CALD1: variants seen among roughly 807,000 people sequenced by gnomAD.
CALD1 encodes caldesmon.
Under a neutral mutation model 99.9 loss-of-function variants are expected in CALD1, and 33 were observed. That is an observed-to-expected ratio of 0.33 (90% confidence interval 0.25 to 0.44). The LOEUF (loss-of-function observed/expected upper bound fraction) is 0.44, where lower values mean the gene tolerates loss of function less well. CALD1 is among the 20% of genes least tolerant of loss of function. The probability of loss-of-function intolerance (pLI) is 1.00; values close to 1 mark genes in which losing one functional copy is unlikely to be tolerated. For missense variants in CALD1, 861 were observed against 962.1 expected, an observed-to-expected ratio of 0.89 and a Z score of 1.39; for synonymous variants, 310 against 325.0, an observed-to-expected ratio of 0.95 and a Z score of 0.50.
chr7:134,824,569 C>T (rs1309779902), intron 1 of CALD1, among the ~76,000 whole-genome samples: 3 of 152,104 alleles, frequency 2.0e-5, no homozygotes, highest in Non-Finnish European at 4.4e-5. Context: ...AACTCTTCCA[C>T]CTCTATCTGA....
At chr7:134,725,644 G>A in the CALD1 span, among the ~76,000 whole-genome samples, 1 of 152,208 alleles carries the variant, frequency 6.6e-6, no homozygotes, top group Non-Finnish European at 1.5e-5. Context: ...TGGGCTGAAT[G>A]GTGGCCCAAA....
At chr7:134,750,144 C>A in intron 1 of CALD1, among the ~76,000 whole-genome samples, 1 of 151,106 alleles carries the variant, frequency 6.6e-6, no homozygotes, top group South Asian at 2.1e-4. Context: ...ACAAACCCTG[C>A]AAACTAGATT....
chr7:134,864,727 TA>T (rs1800728037), intron 2 of CALD1, among the ~76,000 whole-genome samples: 1 of 152,206 alleles, frequency 6.6e-6, no homozygotes, highest in African/African-American at 2.4e-5. Context: ...ACTTATTTCT[TA>T]ATCATGGCAG....
chr7:134,830,869 C>A (rs985100362), intron 1 of CALD1, among the ~76,000 whole-genome samples: 3 of 152,094 alleles, frequency 2.0e-5, no homozygotes, highest in Non-Finnish European at 4.4e-5. Context: ...TACAAATATT[C>A]CAACTTCTCC....
intron 1 of CALD1, among the ~76,000 whole-genome samples, chr7:134,771,005 A>C (rs993361335): frequency 6.6e-6 from 1 of 152,152 alleles, no homozygotes; most frequent in African/African-American, 2.4e-5. Flanking sequence ...AAGTTAAATA[A>C]TACTATATGA....
intron 3 of CALD1, chr7:134,900,016 T>A: frequency 6.6e-6 from 1 of 152,224 alleles, no homozygotes; most frequent in East Asian, 1.9e-4. Context: ...CAAATCACTC[T>A]ACCTTTCACT....
At chr7:134,849,141 G>T (rs1427666560) in intron 2 of CALD1, among the ~76,000 whole-genome samples, 2 of 152,016 alleles carry the variant, frequency 1.3e-5, no homozygotes, top group Non-Finnish European at 2.9e-5. Flanking sequence ...CTTGGCAAAG[G>T]GTCATAATAT....
rs565284721 is a variant in CALD1, at chr7:134,843,948, G to A, written c.-65G>A. 1 of 152,238 alleles carries A rather than the reference G, an allele frequency of 6.6e-6. No homozygotes were observed. Among genetic ancestry groups the A allele is most frequent in the East Asian group, 1.9e-4 (1 of 5,182 alleles). 9.4% of individuals were successfully genotyped at this position (152,238 alleles called of 1,614,324 possible). ...ACAGGGATTGGTGACCAACCAGAAG[G>A]CTCAGACATCTGATTGCTGACCTGT... On this transcript the variant is annotated 5_prime_UTR_variant, in exon 2 of 15. Transcript: ENST00000361675.
the CALD1 span, among the ~76,000 whole-genome samples, chr7:134,712,026 AGAGGGAGGGAAGGAGGGAGAGAGGGAGG>A: frequency 3.7e-4 from 41 of 111,578 alleles, no homozygotes; most frequent in African/African-American, 1.3e-3. Context: ...AAGGAGGGAG[AGAGGGAGGGAAGGAGGGAGAGAGGGAGG>A]GAGGGAGGGA....
At chr7:134,735,563 C>CTGTGTGTGTGTG in the CALD1 span, among the ~76,000 whole-genome samples, 20 of 138,280 alleles carry the variant, frequency 1.4e-4, no homozygotes, top group East Asian at 1.5e-3. Flanking sequence ...CCCCACTACC[C>CTGTGTGTGTGTG]TCTGTGTGTG....
chr7:134,929,552 G>A (rs1255475736), intron 4 of CALD1, among the ~76,000 whole-genome samples: 3 of 139,820 alleles, frequency 2.1e-5, no homozygotes, highest in Admixed American at 1.4e-4. Context: ...CTCCATCCAG[G>A]TTGCGGTGAA....
intron 13 of CALD1, among the ~76,000 whole-genome samples, chr7:134,963,216 C>A (rs1327433238): frequency 6.6e-6 from 1 of 152,160 alleles, no homozygotes; most frequent in Non-Finnish European, 1.5e-5. Flanking sequence ...AACAGTCTTC[C>A]AGACAGTTTG....
intron 1 of CALD1, among the ~76,000 whole-genome samples, chr7:134,833,319 A>G (rs1305787192): frequency 6.6e-6 from 1 of 152,174 alleles, no homozygotes; most frequent in Admixed American, 6.5e-5. Flanking sequence ...GAAATATCTT[A>G]TTAATGTGGA....
At chr7:134,924,991 G>T (rs1335633359) in intron 3 of CALD1, among the ~76,000 whole-genome samples, 1 of 152,086 alleles carries the variant, frequency 6.6e-6, no homozygotes, top group Non-Finnish European at 1.5e-5. Flanking sequence ...GTTTCCTGAG[G>T]CCTCACCAGC....
At chr7:134,929,979 C>A (rs1030600439) in intron 4 of CALD1, among the ~76,000 whole-genome samples, 10 of 151,908 alleles carry the variant, frequency 6.6e-5, no homozygotes, top group African/African-American at 2.4e-4. Flanking sequence ...TTAGTAGAGT[C>A]CTCCATGGCT....
At chr7:134,787,823 C>T (rs1797365024) in intron 1 of CALD1, among the ~76,000 whole-genome samples, 3 of 152,194 alleles carry the variant, frequency 2.0e-5, no homozygotes, top group Admixed American at 2.0e-4. Flanking sequence ...AGTTTCTCTG[C>T]AAGAGTGACC....
intron 2 of CALD1, among the ~76,000 whole-genome samples, chr7:134,866,519 G>A (rs1380156850): frequency 1.3e-5 from 2 of 151,806 alleles, no homozygotes; most frequent in African/African-American, 4.8e-5. Flanking sequence ...TTTTTAGAGG[G>A]GAAAAAACCT....
At chr7:134,774,005 C>T (rs866898523) in intron 1 of CALD1, among the ~76,000 whole-genome samples, 1 of 151,934 alleles carries the variant, frequency 6.6e-6, no homozygotes, top group Non-Finnish European at 1.5e-5. Flanking sequence ...CCCGTCTCTA[C>T]TAAAAAATAC....
chr7:134,779,031 G>T (rs3807336), upstream of CALD1, among the ~76,000 whole-genome samples: 2,194 of 152,266 alleles, frequency 0.014, 124 homozygotes, highest in East Asian at 0.14. Flanking sequence ...TTTCAGGCTA[G>T]AATTTAGTCT....
Sources: allele counts gnomAD v4.1 joint callset (sites outside exome capture counted in the v4.1 genomes callset), GRCh38; gene constraint gnomAD v4.1.1; transcripts MANE v1.5; gene names NCBI Gene and HGNC (gene_info 2026-07-23, HGNC 2026-07-21).